SYNE1: variants seen among roughly 807,000 people sequenced by gnomAD.
The protein encoded by SYNE1 is nesprin-1.
Under a neutral mutation model 1,111.0 loss-of-function variants are expected in SYNE1, and 616 were observed. The ratio of observed to expected loss-of-function variants is 0.55; its 90% CI spans 0.52 to 0.59. The LOEUF (loss-of-function observed/expected upper bound fraction) is 0.59, where lower values mean the gene tolerates loss of function less well. Ranked by LOEUF, SYNE1 falls within the 20% of genes least tolerant of loss-of-function variation. The pLI, the probability that SYNE1 is intolerant of heterozygous loss-of-function variation, is 0.00. For synonymous variants in SYNE1, 3,855 were observed against 3,825.8 expected (o/e 1.01, Z -0.28); for missense variants, 10,006 against 10,417.0 (o/e 0.96, Z 1.72).
intron 130 of SYNE1, among the ~76,000 whole-genome samples, chr6:152,164,646 A>G (rs1239979771): frequency 6.6e-6 from 1 of 152,212 alleles, no homozygotes; most frequent in Non-Finnish European, 1.5e-5. Flanking sequence ...CAACTCCATT[A>G]CTACCTACTT....
At chr6:152,626,806 T>C (rs1185126896) in intron 3 of SYNE1, among the ~76,000 whole-genome samples, 1 of 152,144 alleles carries the variant, frequency 6.6e-6, no homozygotes, top group Non-Finnish European at 1.5e-5. Context: ...GTGGAGAAAC[T>C]CCTAGTTCCA....
At chr6:152,480,414 G>A (rs1179690346) in intron 14 of SYNE1, among the ~76,000 whole-genome samples, 10 of 152,110 alleles carry the variant, frequency 6.6e-5, no homozygotes, top group Admixed American at 6.5e-4. Context: ...CCAGCTACAT[G>A]GGAGGCTGAG....
chr6:152,389,178 T>C (rs910322200), intron 53 of SYNE1, among the ~76,000 whole-genome samples: 3 of 152,364 alleles, frequency 2.0e-5, no homozygotes. Context: ...TGCTTTGTAA[T>C]GAACTTGAAT....
Position 152,284,015 on chromosome 6 carries a change from A to G in SYNE1, c.18170T>C (p.Ile6057Thr). ...CCGTTTCCCCGAGGCTTTCATCCTG[A>G]TGGTGGACATTCGCTCGGCTAAGAC... ...LTVLAERMST[I>T]RMKASGKRQL... The change falls in exon 96 of 146, where the codon ATC (isoleucine) becomes ACC (threonine). Residue 6057 changes from isoleucine to threonine, a missense_variant. Coordinates refer to ENST00000367255, the MANE Select transcript of SYNE1 (RefSeq NM_182961.4). The G allele has an allele frequency of 6.2e-7, 1 of 1,614,212 alleles. No individual in the cohort carries two copies. The highest frequency in any genetic ancestry group is 8.5e-7 in the Non-Finnish European group (1 of 1,180,036).
chr6:152,339,130 A>T, intron 75 of SYNE1, 111 bp downstream of exon 75: 1 of 1,398,034 alleles, frequency 7.2e-7, no homozygotes, highest in Non-Finnish European at 9.9e-7. Flanking sequence ...TAGAACCATT[A>T]CATACAGCAA....
At chr6:152,544,405 T>C (rs2128059024) in intron 3 of SYNE1, among the ~76,000 whole-genome samples, 1 of 152,316 alleles carries the variant, frequency 6.6e-6, no homozygotes, top group Non-Finnish European at 1.5e-5. Context: ...CTCTGGGTCC[T>C]TCATCCTTGA....
rs1421442052 is a variant in SYNE1 at position 152,155,476 on chromosome 6, A to G, written c.23978+434T>C. On this transcript the variant is annotated intron_variant, in intron 132 of 145. Coordinates refer to ENST00000367255, the MANE Select transcript of SYNE1 (RefSeq NM_182961.4). ...AATCTATGACAGCAGGACAAATATT[A>G]AGCTTTCAACAGTTTACCAGAGAGC... 1.9e-5 allele frequency: 6 copies of G among 310,130 alleles called. No individual in the cohort carries two copies. The East Asian group carries it at 5.1e-4, about 26-fold the overall frequency. 19.2% of individuals were successfully genotyped at this position (310,130 alleles called of 1,614,324 possible).
At chr6:152,543,378 A>G (rs1357834770) in intron 3 of SYNE1, among the ~76,000 whole-genome samples, 1 of 152,164 alleles carries the variant, frequency 6.6e-6, no homozygotes, top group Non-Finnish European at 1.5e-5. Flanking sequence ...GAAAGAAAAA[A>G]ATTGTTTAAT....
chr6:152,159,703 C>CA (rs1331051808), intron 131 of SYNE1, among the ~76,000 whole-genome samples: 2 of 152,148 alleles, frequency 1.3e-5, no homozygotes, highest in African/African-American at 2.4e-5. Flanking sequence ...TTCCTGGCCT[C>CA]AAGTGATCCT....
intron 9 of SYNE1, among the ~76,000 whole-genome samples, chr6:152,503,430 A>T (rs1379427717): frequency 6.6e-6 from 1 of 152,222 alleles, no homozygotes; most frequent in Non-Finnish European, 1.5e-5. Flanking sequence ...ATCTAATACA[A>T]ATGGTAAAAA....
At chr6:152,155,352 C>A in intron 132 of SYNE1, 1 of 376,790 alleles carries the variant, frequency 2.7e-6, no homozygotes, top group African/African-American at 2.1e-5. Flanking sequence ...AAAGCAACAC[C>A]AGGTTTACAG....
intron 29 of SYNE1, 136 bp from the exon 30 acceptor site, chr6:152,444,714 C>T: frequency 1.3e-6 from 1 of 788,520 alleles, no homozygotes; most frequent in South Asian, 1.8e-5. Flanking sequence ...TGAAATGATT[C>T]TCCACATCAG....
Position 152,367,330 on chromosome 6 carries a change from A to G in SYNE1, c.9860T>C (p.Leu3287Pro), listed in dbSNP as rs2097099606. The G allele has an allele frequency of 6.2e-7, 1 of 1,614,212 alleles. No homozygotes were observed. The highest frequency in any genetic ancestry group is 8.5e-7 in the Non-Finnish European group (1 of 1,180,020). Residue 3287 changes from leucine to proline, a missense_variant, in exon 62 of 146, where the codon CTT (leucine) becomes CCT (proline). By Grantham distance (98) the Leu-to-Pro change is moderately conservative (BLOSUM62 -3). This residue lies in a region of SYNE1 where 4,955 missense variants were observed against 5,017.2 expected (regional missense o/e 0.99). Transcript: ENST00000367255. Reference sequence around the variant, plus strand: ...CCAGTCTTGTAATTCTTTAATCCCAAGAGAGAACTGATTGTGTTCTGCAAC... The same window carrying G: ...CCAGTCTTGTAATTCTTTAATCCCAGGAGAGAACTGATTGTGTTCTGCAAC... ...RIVAEHNQFS[L>P]GIKELQDWMT...
chr6:152,222,773 T>C (rs1207923078), intron 117 of SYNE1, among the ~76,000 whole-genome samples: 1 of 152,118 alleles, frequency 6.6e-6, no homozygotes, highest in African/African-American at 2.4e-5. Context: ...AAAAGGAACA[T>C]AGTTTCAGCT....
intron 104 of SYNE1, among the ~76,000 whole-genome samples, chr6:152,254,530 G>T (rs192865017): frequency 1.4e-3 from 208 of 152,190 alleles, no homozygotes; most frequent in African/African-American, 4.9e-3. Flanking sequence ...GATCACAGGC[G>T]TGAGCCACTG....
At chr6:152,328,146 G>A (rs1015391703) in intron 78 of SYNE1, among the ~76,000 whole-genome samples, 3 of 152,000 alleles carry the variant, frequency 2.0e-5, no homozygotes, top group Admixed American at 2.0e-4. Context: ...CTACAAAGAG[G>A]GACAGAGCCT....
intron 130 of SYNE1, 41 bp from the exon 131 acceptor site, chr6:152,164,366 G>A (rs750534733): frequency 3.5e-5 from 56 of 1,611,476 alleles, no homozygotes; most frequent in Non-Finnish European, 4.5e-5. Flanking sequence ...TCAGCGAGAG[G>A]CCCACTCATG....
intron 3 of SYNE1, among the ~76,000 whole-genome samples, chr6:152,617,759 G>A (rs1255587362): frequency 2.0e-5 from 3 of 152,144 alleles, no homozygotes; most frequent in Non-Finnish European, 2.9e-5. Context: ...TACAAACGAG[G>A]AATCCTCTCA....
chr6:152,382,754 G>A (rs114347102), intron 55 of SYNE1, among the ~76,000 whole-genome samples: 8 of 152,252 alleles, frequency 5.3e-5, no homozygotes, highest in African/African-American at 1.7e-4. Flanking sequence ...CAAATTTGAA[G>A]TTTCCCAAAA....
Sources: allele counts gnomAD v4.1 joint callset (sites outside exome capture counted in the v4.1 genomes callset), GRCh38; gene constraint gnomAD v4.1.1; regional missense constraint gnomAD v4.1.1; transcripts MANE v1.5; gene names NCBI Gene and HGNC (gene_info 2026-07-23, HGNC 2026-07-21).